DEUP1: variants seen among roughly 807,000 people sequenced by gnomAD.
DEUP1 encodes deuterosome assembly protein 1.
Under a neutral mutation model 87.4 loss-of-function variants are expected in DEUP1, and 82 were observed. That is an observed-to-expected ratio of 0.94 (90% CI 0.78 to 1.13). The LOEUF is 1.13. DEUP1 is among the 50% of genes most tolerant of loss of function. The pLI is 0.00. For missense variants in DEUP1, 663 were observed against 681.5 expected, an observed-to-expected ratio of 0.97 and a Z score of 0.30; for synonymous variants, 214 against 222.7, an observed-to-expected ratio of 0.96 and a Z score of 0.35.
At chr11:93,353,473 C>T (rs1944732663) in intron 2 of DEUP1, among the ~76,000 whole-genome samples, 1 of 152,200 alleles carries the variant, frequency 6.6e-6, no homozygotes, top group African/African-American at 2.4e-5. Context: ...GTGGCCTCTT[C>T]TCACAGCTCC....
chr11:93,337,230 C>A (rs1276040407), intron 2 of DEUP1, among the ~76,000 whole-genome samples: 1 of 152,102 alleles, frequency 6.6e-6, no homozygotes, highest in Admixed American at 6.5e-5. Context: ...CTTTCTTAAC[C>A]CTTAAAGTAT....
At chr11:93,386,509 A>C (rs1166522162) in intron 8 of DEUP1, among the ~76,000 whole-genome samples, 1 of 152,224 alleles carries the variant, frequency 6.6e-6, no homozygotes, top group African/African-American at 2.4e-5. Flanking sequence ...AAAATTGAAT[A>C]GCCAAATAGG....
Position 93,385,455 on chromosome 11 carries a change from T to C in DEUP1, c.847T>C (p.Leu283=). 1 of 1,610,838 alleles carries C rather than the reference T, an allele frequency of 6.2e-7. No individual in the cohort carries two copies. Among genetic ancestry groups the C allele is most frequent in the African/African-American group, 1.3e-5 (1 of 74,966 alleles). ...KSELQSRDDL[L]RIIEMERLQL... ...TGAGTTACAGTCACGTGATGATCTC[T>C]TGAGAATTATAGAAATGGAACGATT... is the stretch of plus-strand genomic sequence containing the variant. The change falls in exon 8 of 14, where the codon TTG becomes CTG. Residue 283 remains leucine, a synonymous_variant. Transcript: ENST00000298050.
intron 9 of DEUP1, among the ~76,000 whole-genome samples, chr11:93,392,503 T>C (rs1037565981): frequency 7.2e-4 from 109 of 152,336 alleles, no homozygotes; most frequent in African/African-American, 2.4e-3. Flanking sequence ...AAAAGATATA[T>C]GAGCCAGTCA....
At chr11:93,401,420 T>G (rs1235366093) in intron 11 of DEUP1, among the ~76,000 whole-genome samples, 1 of 152,008 alleles carries the variant, frequency 6.6e-6, no homozygotes, top group Non-Finnish European at 1.5e-5. Flanking sequence ...AATGACATTC[T>G]TCAAAGAAAT....
intron 11 of DEUP1, among the ~76,000 whole-genome samples, chr11:93,398,212 G>T (rs1023881432): frequency 6.6e-6 from 1 of 151,732 alleles, no homozygotes; most frequent in Non-Finnish European, 1.5e-5. Context: ...AGTATCCCTT[G>T]GAATCTTTCC....
At position 93,437,613 on chromosome 11, in the gene DEUP1, CA is replaced by C; in HGVS notation, c.1713del (p.Glu572AsnfsTer6). 1.2e-6 allele frequency: 2 copies of C among 1,612,956 alleles called. No homozygotes were observed. Among genetic ancestry groups the C allele is most frequent in the South Asian group, 1.1e-5 (1 of 91,042 alleles). ...QHFLLEEEKRAKELEKLLNTH... is the reference protein window; with the variant it reads ...QHFLLEEEKRXKELEKLLNTH... ...TTCCTTCTGGAAGAAGAGAAACGAG[CA>C]AAAGAACTTGAAAAACTTCTAAATA... On this transcript the variant is annotated frameshift_variant, in exon 14 of 14. Coordinates refer to ENST00000298050, the MANE Select transcript of DEUP1 (RefSeq NM_181645.4). LOFTEE classifies it high-confidence loss of function.
At position 93,415,009 on chromosome 11, in the gene DEUP1, T is replaced by C; in HGVS notation, c.1533T>C (p.His511=). The C allele has an allele frequency of 6.4e-7, 1 of 1,564,594 alleles. No homozygotes were observed. ...ATTTCTTCTCTTTTAGACTTAGTCA[T>C]GACTGTGAGCCAAACAGAAGTACAA... ...KVEQNEERLS[H]DCEPNRSTMP... The change falls in exon 13 of 14, where the codon CAT becomes CAC. Residue 511 remains histidine, a synonymous_variant. Coordinates refer to ENST00000298050, the MANE Select transcript of DEUP1 (RefSeq NM_181645.4).
intron 5 of DEUP1, among the ~76,000 whole-genome samples, chr11:93,364,510 T>G (rs570482173): frequency 3.8e-4 from 58 of 151,492 alleles, no homozygotes; most frequent in African/African-American, 1.3e-3. Context: ...TTTGCATATA[T>G]CAGCATTTTG....
At chr11:93,393,696 A>C (rs183653821) in intron 9 of DEUP1, among the ~76,000 whole-genome samples, 26 of 149,150 alleles carry the variant, frequency 1.7e-4, no homozygotes, top group African/African-American at 5.4e-4. Context: ...TATGTACTTT[A>C]AGTCTCAAGA....
chr11:93,409,388 G>T lies in DEUP1; in HGVS notation c.1523+961G>T, dbSNP rs796730505. On this transcript the variant is annotated intron_variant, in intron 12 of 13. Coordinates refer to ENST00000298050, the MANE Select transcript of DEUP1 (RefSeq NM_181645.4). Reference sequence around the variant, plus strand: ...TATTCAATTTTAATAAAAGATTTATGGAGTCATAAGTCTCTGAAAGCCTTT... The same window carrying T: ...TATTCAATTTTAATAAAAGATTTATTGAGTCATAAGTCTCTGAAAGCCTTT... Among the ~76,000 whole-genome samples the T allele has an allele frequency of 1.8e-4, 28 of 152,278 alleles. 1 individual carries two copies. The highest frequency in any genetic ancestry group is 6.7e-4 in the African/African-American group (28 of 41,564).
At chr11:93,416,672 C>T (rs974033171) in intron 13 of DEUP1, among the ~76,000 whole-genome samples, 3 of 151,812 alleles carry the variant, frequency 2.0e-5, no homozygotes, top group African/African-American at 7.3e-5. Flanking sequence ...CTCCCTAACT[C>T]ATTTTATGAG....
intron 13 of DEUP1, 159 bp downstream of exon 13, chr11:93,415,273 A>T: frequency 2.5e-6 from 1 of 406,162 alleles, no homozygotes; most frequent in Non-Finnish European, 4.5e-6. Flanking sequence ...GGCCATACCT[A>T]TCTACAGAAG....
At chr11:93,370,410 C>T (rs12283039) in intron 6 of DEUP1, among the ~76,000 whole-genome samples, 35,740 of 152,098 alleles carry the variant, frequency 0.23, 4,600 homozygotes, top group South Asian at 0.38. Context: ...GTTATTGTGT[C>T]ATTAAATAGC....
chr11:93,418,257 G>C (rs1260132166), intron 13 of DEUP1, among the ~76,000 whole-genome samples: 2 of 151,888 alleles, frequency 1.3e-5, no homozygotes, highest in Non-Finnish European at 2.9e-5. Flanking sequence ...CTACAAAATG[G>C]GAGAAAATTT....
At chr11:93,379,589 T>C (rs1206026378) in intron 7 of DEUP1, among the ~76,000 whole-genome samples, 1 of 152,190 alleles carries the variant, frequency 6.6e-6, no homozygotes, top group Non-Finnish European at 1.5e-5. Flanking sequence ...AGTCAATGTG[T>C]AGCAGGAAGT....
In DEUP1 at chr11:93,408,257, G is replaced by A. The variant is rs1049988697; in HGVS notation, c.1353G>A (p.Gln451=). The change falls in exon 12 of 14, where the codon CAG becomes CAA. Residue 451 remains glutamine, a synonymous_variant. Coordinates refer to ENST00000298050, the MANE Select transcript of DEUP1 (RefSeq NM_181645.4). ...YMSMDFTNRE[Q]SRHTSINKLQ... is the part of the protein sequence containing the mutation. ...GTATGGACTTCACTAACAGGGAACA[G>A]TCAAGGCATACATCTATTAATAAAC... The A allele has an allele frequency of 6.3e-7, 1 of 1,581,300 alleles. No homozygotes were observed.
chr11:93,432,537 T>C (rs1245562895), intron 13 of DEUP1, among the ~76,000 whole-genome samples: 3 of 152,188 alleles, frequency 2.0e-5, no homozygotes, highest in African/African-American at 7.2e-5. Context: ...ACCTGTTGGC[T>C]CCAGCATTCA....
chr11:93,332,190 A>G, intron 1 of DEUP1, 26 bp from the exon 2 acceptor site: 1 of 1,415,676 alleles, frequency 7.1e-7, no homozygotes. Context: ...ACATTTTAGG[A>G]ACTTGTATCA....
Sources: allele counts gnomAD v4.1 joint callset (sites outside exome capture counted in the v4.1 genomes callset), GRCh38; gene constraint gnomAD v4.1.1; transcripts MANE v1.5; gene names NCBI Gene and HGNC (gene_info 2026-07-23, HGNC 2026-07-21).